Variants in ADAMTS17 observed in about 807,000 individuals in gnomAD.
ADAMTS17 encodes A disintegrin and metalloproteinase with thrombospondin motifs 17.
ADAMTS17 carries 113 observed loss-of-function variants against 141.5 expected under a neutral mutation model. That is an observed-to-expected ratio of 0.80 (90% CI 0.69 to 0.93). The LOEUF is 0.93. Ranked by LOEUF, ADAMTS17 falls within the 40% of genes least tolerant of loss-of-function variation. The pLI is 0.00. For missense variants in ADAMTS17, 1,659 were observed against 1,517.9 expected, an observed-to-expected ratio of 1.09 and a Z score of -1.54; for synonymous variants, 768 against 630.6, an observed-to-expected ratio of 1.22 and a Z score of -3.27.
intron 15 of ADAMTS17, chr15:100,063,669 T>C (rs531463979): frequency 2.8e-5 from 36 of 1,289,780 alleles, no homozygotes; most frequent in Admixed American, 4.6e-5. Context: ...TCAAGTCATT[T>C]GTGTTTTACC....
At chr15:100,164,034 CCTT>C (rs1180956296) in intron 8 of ADAMTS17, among the ~76,000 whole-genome samples, 2 of 152,166 alleles carry the variant, frequency 1.3e-5, no homozygotes, top group Non-Finnish European at 1.5e-5. Flanking sequence ...TCCTAGCTGG[CCTT>C]CTTTCTCTGA....
At chr15:100,081,967 T>A (rs145421848) in intron 15 of ADAMTS17, among the ~76,000 whole-genome samples, 4 of 152,252 alleles carry the variant, frequency 2.6e-5, no homozygotes, top group African/African-American at 9.6e-5. Flanking sequence ...ATTACTATAA[T>A]TTGATAATAT....
intron 20 of ADAMTS17, among the ~76,000 whole-genome samples, chr15:99,977,472 C>T (rs1381851248): frequency 2.3e-5 from 3 of 130,864 alleles, no homozygotes; most frequent in South Asian, 2.7e-4. Flanking sequence ...AGTGCAGTGG[C>T]GCAATCTCGG....
chr15:100,325,701 A>G (rs1366038110), intron 3 of ADAMTS17, among the ~76,000 whole-genome samples: 1 of 152,044 alleles, frequency 6.6e-6, no homozygotes, highest in Non-Finnish European at 1.5e-5. Context: ...TTCTCTCCCC[A>G]TGTGACACGC....
At chr15:100,293,578 A>G (rs913956545) in intron 3 of ADAMTS17, among the ~76,000 whole-genome samples, 1 of 152,200 alleles carries the variant, frequency 6.6e-6, no homozygotes, top group Non-Finnish European at 1.5e-5. Flanking sequence ...AGTGTGCCCC[A>G]GGATCCCCCA....
chr15:99,988,968 A>G (rs1373007922), intron 20 of ADAMTS17, among the ~76,000 whole-genome samples: 1 of 152,228 alleles, frequency 6.6e-6, no homozygotes, highest in Admixed American at 6.5e-5. Flanking sequence ...TATGTACAAA[A>G]GCAAAAGTGT....
At chr15:100,045,712 G>A (rs767798834) in intron 18 of ADAMTS17, among the ~76,000 whole-genome samples, 62 of 152,260 alleles carry the variant, frequency 4.1e-4, no homozygotes, top group Non-Finnish European at 7.1e-4. Flanking sequence ...CTCCTCTGAT[G>A]GCTTAACCAG....
chr15:100,341,740 GGCCGCCAGGAC>G, intron 1 of ADAMTS17, 70 bp downstream of exon 1: 1 of 1,485,878 alleles, frequency 6.7e-7, no homozygotes, highest in Non-Finnish European at 9.0e-7. Context: ...GCCGCCCCCG[GGCCGCCAGGAC>G]GCCGCGAGAA....
chr15:100,330,287 T>A (rs1193511072), intron 3 of ADAMTS17, among the ~76,000 whole-genome samples: 1 of 152,154 alleles, frequency 6.6e-6, no homozygotes, highest in African/African-American at 2.4e-5. Flanking sequence ...CATGGCAAGT[T>A]TTAAAGCAGT....
At chr15:100,088,922 G>C (rs1278233098) in intron 15 of ADAMTS17, among the ~76,000 whole-genome samples, 1 of 152,042 alleles carries the variant, frequency 6.6e-6, no homozygotes, top group Non-Finnish European at 1.5e-5. Flanking sequence ...TCAGGACATA[G>C]GCATGGGCAA....
chr15:99,983,102 G>A (rs959885988), intron 20 of ADAMTS17, among the ~76,000 whole-genome samples: 4 of 152,312 alleles, frequency 2.6e-5, no homozygotes, highest in South Asian at 2.1e-4. Flanking sequence ...CCAGACCAGC[G>A]TGATACTGAG....
rs773658084 is a variant in ADAMTS17, at chr15:100,133,219, C to G, written c.1570G>C (p.Asp524His). 1 of 1,589,710 alleles carries G rather than the reference C, an allele frequency of 6.3e-7. No homozygotes were observed. The highest frequency in any genetic ancestry group is 1.7e-5 in the Admixed American group (1 of 57,844). ...PPLDGTECGA[D>H]KWCRAGECVS... ...AGTGGGAAGTCAGAGGTTACCTTGTCTGCCCCACACTCGGTGCCATCCAGG... is the reference window on the plus strand; with the variant it reads ...AGTGGGAAGTCAGAGGTTACCTTGTGTGCCCCACACTCGGTGCCATCCAGG... Residue 524 changes from aspartate (D) to histidine (H), a missense_variant, in exon 11 of 22, where the codon GAC becomes CAC. Asp to His is a moderately conservative substitution (Grantham distance 81). Transcript: ENST00000268070.
chr15:100,139,757 T>C (rs1490355698), intron 10 of ADAMTS17, among the ~76,000 whole-genome samples: 1 of 152,016 alleles, frequency 6.6e-6, no homozygotes, highest in African/African-American at 2.4e-5. Context: ...GGCAAACTAA[T>C]AGACTGGTAC....
chr15:100,277,327 C>A lies in ADAMTS17; in HGVS notation c.789+3902G>T, dbSNP rs529580646. Reference sequence around the variant, plus strand: ...AAAAAACAGAGCCCTTCAGTCTTTACGGCCCATGAGGGGTGCAGGGTGGGA... The same window carrying A: ...AAAAAACAGAGCCCTTCAGTCTTTAAGGCCCATGAGGGGTGCAGGGTGGGA... On this transcript the variant is annotated intron_variant, in intron 4 of 21. Coordinates refer to ENST00000268070, the MANE Select transcript of ADAMTS17 (RefSeq NM_139057.4). Among the ~76,000 whole-genome samples the A allele has an allele frequency of 2.0e-5, 3 of 152,204 alleles. No homozygotes were observed. In the South Asian group the frequency reaches 6.2e-4, roughly 32 times the overall value.
intron 8 of ADAMTS17, among the ~76,000 whole-genome samples, chr15:100,177,467 T>G (rs1473154571): frequency 6.6e-6 from 1 of 152,222 alleles, no homozygotes; most frequent in Non-Finnish European, 1.5e-5. Context: ...GTCTTTTTGT[T>G]ATTGATTTTC....
intron 7 of ADAMTS17, among the ~76,000 whole-genome samples, chr15:100,228,828 C>G (rs1350560873): frequency 6.6e-6 from 1 of 152,224 alleles, no homozygotes; most frequent in Non-Finnish European, 1.5e-5. Context: ...GCCCCCCAAC[C>G]CCAGCTCTCC....
chr15:100,051,987 G>A (rs1043918518), intron 16 of ADAMTS17, among the ~76,000 whole-genome samples: 1 of 152,224 alleles, frequency 6.6e-6, no homozygotes, highest in African/African-American at 2.4e-5. Context: ...AGAGAGACCA[G>A]CTTAGACTAG....
intron 8 of ADAMTS17, among the ~76,000 whole-genome samples, chr15:100,162,324 G>A (rs1422396640): frequency 6.7e-6 from 1 of 149,866 alleles, no homozygotes; most frequent in Non-Finnish European, 1.5e-5. Flanking sequence ...ACATGTAAGT[G>A]TAGGTATATA....
intron 3 of ADAMTS17, among the ~76,000 whole-genome samples, chr15:100,290,487 C>A (rs925717020): frequency 6.6e-6 from 1 of 152,146 alleles, no homozygotes; most frequent in Non-Finnish European, 1.5e-5. Flanking sequence ...AGACATTCTT[C>A]ACAGGATTAG....
Sources: allele counts gnomAD v4.1 joint callset (sites outside exome capture counted in the v4.1 genomes callset), GRCh38; gene constraint gnomAD v4.1.1; transcripts MANE v1.5; gene names NCBI Gene and HGNC (gene_info 2026-07-23, HGNC 2026-07-21).